Variants in PTGER4 observed in about 807,000 individuals in gnomAD.
PTGER4 encodes the protein prostaglandin E2 receptor EP4 subtype.
Under a neutral mutation model 33.2 loss-of-function variants are expected in PTGER4, and 11 were observed. That is an observed-to-expected ratio of 0.33 (90% CI 0.21 to 0.55). The LOEUF is 0.55. PTGER4 is among the 20% of genes least tolerant of loss of function. The probability of loss-of-function intolerance (pLI) is 0.92; values close to 1 mark genes in which losing one functional copy is unlikely to be tolerated. For missense variants in PTGER4, 481 were observed against 650.2 expected (o/e 0.74, Z 2.83); for synonymous variants, 275 against 281.5 (o/e 0.98, Z 0.23).
At chr5:40,688,060 T>A (rs2111803252) in intron 2 of PTGER4, among the ~76,000 whole-genome samples, 1 of 152,332 alleles carries the variant, frequency 6.6e-6, no homozygotes, top group African/African-American at 2.4e-5. Context: ...GCCACAGAAA[T>A]TTTAAAATGC....
the PTGER4 span, among the ~76,000 whole-genome samples, chr5:40,735,164 GT>G: frequency 6.6e-6 from 1 of 152,208 alleles, no homozygotes; most frequent in East Asian, 1.9e-4. Context: ...ATAAGCCATA[GT>G]TATGCATGTG....
the PTGER4 span, chr5:40,715,816 C>T: frequency 5.0e-6 from 1 of 200,964 alleles, no homozygotes; most frequent in South Asian, 1.7e-4. Context: ...ATTTCAGTAA[C>T]ATTGATCAAA....
the PTGER4 span, among the ~76,000 whole-genome samples, chr5:40,708,238 C>T: frequency 6.6e-6 from 1 of 152,032 alleles, no homozygotes; most frequent in Admixed American, 6.6e-5. Flanking sequence ...TCAATGAATC[C>T]AGGAGCTGGC....
Position 40,692,033 on chromosome 5 carries a change from A to G in PTGER4, c.1122A>G (p.Ser374=). 6.2e-7 allele frequency: 1 copy of G among 1,614,132 alleles called. No homozygotes were observed. Among genetic ancestry groups the G allele is most frequent in the Non-Finnish European group, 8.5e-7 (1 of 1,180,020 alleles). ...SDSQRTSSAM[S]GHSRSFISRE... The stretch of plus-strand genomic sequence containing the variant: ...GTCAAAGGACATCTTCTGCCATGTC[A>G]GGCCACTCTCGCTCCTTCATCTCCC... Residue 374 remains serine (S), a synonymous_variant, in exon 3 of 3, where the codon TCA becomes TCG. Coordinates refer to ENST00000302472, the MANE Select transcript of PTGER4 (RefSeq NM_000958.3).
chr5:40,718,303 G>T, the PTGER4 span, among the ~76,000 whole-genome samples: 12 of 152,156 alleles, frequency 7.9e-5, no homozygotes, highest in African/African-American at 2.9e-4. Context: ...CTACTTAGGA[G>T]GCTGAGGCAG....
chr5:40,688,681 G>A (rs1348668549), intron 2 of PTGER4, among the ~76,000 whole-genome samples: 1 of 152,214 alleles, frequency 6.6e-6, no homozygotes, highest in African/African-American at 2.4e-5. Flanking sequence ...TGAGGGAACT[G>A]CTGAGTTTCC....
the PTGER4 span, among the ~76,000 whole-genome samples, chr5:40,734,996 C>T: frequency 2.6e-5 from 4 of 152,126 alleles, no homozygotes; most frequent in Non-Finnish European, 4.4e-5. Context: ...AGTGACAAAA[C>T]GTGGTCAGAC....
chr5:40,741,374 T>A, the PTGER4 span, among the ~76,000 whole-genome samples: 1 of 152,358 alleles, frequency 6.6e-6, no homozygotes, highest in Non-Finnish European at 1.5e-5. Context: ...TCTGAATGGC[T>A]GAAGCTTGAA....
chr5:40,735,539 T>C, the PTGER4 span, among the ~76,000 whole-genome samples: 9 of 152,100 alleles, frequency 5.9e-5, 1 homozygote, highest in South Asian at 8.3e-4. Context: ...ATTGAGTGGA[T>C]AGGATCCCAC....
chr5:40,703,139 A>G, the PTGER4 span, among the ~76,000 whole-genome samples: 2 of 152,172 alleles, frequency 1.3e-5, no homozygotes, highest in African/African-American at 4.8e-5. Context: ...CAAAGCTAGC[A>G]GAAGAAATAA....
intron 2 of PTGER4, among the ~76,000 whole-genome samples, chr5:40,684,609 T>C (rs1241963375): frequency 6.6e-6 from 1 of 152,174 alleles, no homozygotes; most frequent in East Asian, 1.9e-4. Flanking sequence ...ATTTCATAAA[T>C]AGAGTTAAGA....
At position 40,692,286 on chromosome 5, in the gene PTGER4, GGGAGCGGCA is replaced by G; in HGVS notation, c.1378_1386del (p.Ser460_Arg462del). On this transcript the variant is annotated inframe_deletion, in exon 3 of 3. Transcript: ENST00000302472. Reference sequence around the variant, plus strand: ...TGTCTTACTGGTGGATGAGGCTGGTGGGAGCGGCAGGGCTGGGCCTGCCCCTAAGGGGAG... The same window carrying G: ...TGTCTTACTGGTGGATGAGGCTGGTGGGGCTGGGCCTGCCCCTAAGGGGAG... 6.2e-7 allele frequency: 1 copy of G among 1,613,474 alleles called. No individual in the cohort carries two copies. The highest frequency in any genetic ancestry group is 1.1e-5 in the South Asian group (1 of 91,080).
chr5:40,728,443 C>G, the PTGER4 span: 41 of 1,612,512 alleles, frequency 2.5e-5, no homozygotes, highest in Non-Finnish European at 3.4e-5. Context: ...GCTGCATGTA[C>G]TGCTGGGAAC....
the PTGER4 span, chr5:40,715,138 C>CT: frequency 4.6e-5 from 7 of 151,894 alleles, no homozygotes; most frequent in African/African-American, 1.7e-4. Context: ...AACAGCCCTA[C>CT]TTTTTTATTT....
In PTGER4 at chr5:40,681,180, G is replaced by A. The variant is rs953736727; in HGVS notation, c.187G>A (p.Val63Ile). 3 of 1,614,172 alleles carry A rather than the reference G, an allele frequency of 1.9e-6. 1 individual carries two copies. The highest frequency in any genetic ancestry group is 2.5e-6 in the Non-Finnish European group (3 of 1,180,042). Residue 63 changes from valine (V) to isoleucine (I), a missense_variant, in exon 2 of 3, where the codon GTC becomes ATC. Val to Ile is a conservative substitution (Grantham distance 29). This residue lies in a region of PTGER4 where 61 missense variants were observed against 145.2 expected (regional missense o/e 0.42). Transcript: ENST00000302472. This position sits in a 1 kb window ranked among gnomAD's most constrained non-coding sequence, Gnocchi z 9.8. ...CTACACGCTGGTATGTGGGCTGGCT[G>A]TCACCGACCTGTTGGGCACTTTGTT... ...TFYTLVCGLA[V>I]TDLLGTLLVS...
chr5:40,696,060 C>A (rs530770399), downstream of PTGER4, among the ~76,000 whole-genome samples: 2 of 151,982 alleles, frequency 1.3e-5, no homozygotes, highest in Non-Finnish European at 2.9e-5. Flanking sequence ...ACGTACTCCC[C>A]GAATCTAAAA....
chr5:40,743,783 T>C, the PTGER4 span, among the ~76,000 whole-genome samples: 4 of 152,118 alleles, frequency 2.6e-5, no homozygotes, highest in African/African-American at 7.2e-5. Context: ...CAAAAAAATA[T>C]ATATCTTTGT....
the PTGER4 span, among the ~76,000 whole-genome samples, chr5:40,745,999 AT>A: frequency 6.6e-6 from 1 of 152,112 alleles, no homozygotes; most frequent in Non-Finnish European, 1.5e-5. Context: ...TCTTCTATTA[AT>A]TGCATAGTTT....
At chr5:40,708,664 C>G in the PTGER4 span, among the ~76,000 whole-genome samples, 1 of 152,214 alleles carries the variant, frequency 6.6e-6, no homozygotes, top group Non-Finnish European at 1.5e-5. Flanking sequence ...AAGAGGGAAT[C>G]CTCCCTAACT....
Sources: gnomAD v4.1 joint callset for allele counts (sites outside exome capture counted in the v4.1 genomes callset) on GRCh38, gnomAD v4.1.1 for gene constraint, gnomAD v4.1.1 regional missense constraint, Gnocchi (gnomAD v3.1) non-coding constraint, MANE v1.5 for transcripts, NCBI Gene and HGNC (gene_info 2026-07-23, HGNC 2026-07-21) for gene names.